Variants in OGFOD3 observed in about 807,000 individuals in gnomAD.
The protein encoded by OGFOD3 is 2-oxoglutarate and iron dependent oxygenase domain containing 3.
In OGFOD3, 35 loss-of-function variants were observed where a neutral mutation model predicts 39.8. That is an observed-to-expected ratio of 0.88 (90% CI 0.67 to 1.17). The LOEUF (loss-of-function observed/expected upper bound fraction) is 1.17. OGFOD3 is among the 50% of genes most tolerant of loss of function. OGFOD3 has a pLI of 0.00. For synonymous variants in OGFOD3, 200 were observed against 192.0 expected, an observed-to-expected ratio of 1.04 and a Z score of -0.34; for missense variants, 438 against 454.5, an observed-to-expected ratio of 0.96 and a Z score of 0.33.
intron 7 of OGFOD3, among the ~76,000 whole-genome samples, chr17:82,402,871 T>C (rs2052789842): frequency 1.3e-5 from 2 of 151,988 alleles, no homozygotes; most frequent in African/African-American, 4.8e-5. Context: ...CTGGGCAGCA[T>C]AGTGAAACCC....
rs2143164292 is a variant in OGFOD3, at chr17:82,391,239, T to A, written c.*1159A>T. The A allele has an allele frequency of 6.5e-6, 1 of 152,750 alleles. No homozygotes were observed. The highest frequency in any genetic ancestry group is 1.9e-4 in the East Asian group (1 of 5,178). The allele number at this position is 152,750 out of a possible 1,614,324, so 9.5% of individuals were successfully genotyped here. ...GTGCCCAAAGCCCTGGACAGTCACC[T>A]CGAGGTGACTGTGGGCAGAAACTGG... is the stretch of plus-strand genomic sequence containing the variant. On this transcript the variant is annotated 3_prime_UTR_variant, in exon 9 of 9. Transcript: ENST00000313056. The surrounding 1 kb of genome is among the most constrained non-coding windows in gnomAD (Gnocchi z 5.1).
intron 7 of OGFOD3, among the ~76,000 whole-genome samples, chr17:82,402,756 AAAAG>A (rs977397945): frequency 6.6e-6 from 1 of 151,260 alleles, no homozygotes; most frequent in Non-Finnish European, 1.5e-5. Context: ...TTAAAAAAAA[AAAAG>A]AAAGAAAAGA....
chr17:82,416,475 A>C (rs2053039993), intron 1 of OGFOD3, among the ~76,000 whole-genome samples: 1 of 152,106 alleles, frequency 6.6e-6, no homozygotes, highest in Admixed American at 6.5e-5. Context: ...AGCCCCCTAC[A>C]GCTCAGGTTA....
At chr17:82,398,753 G>A (rs1161860404) in intron 7 of OGFOD3, among the ~76,000 whole-genome samples, 1 of 151,478 alleles carries the variant, frequency 6.6e-6, no homozygotes, top group East Asian at 1.9e-4. Flanking sequence ...CACTCAGGCT[G>A]TAGTGCAGTC....
Position 82,411,473 on chromosome 17 carries a change from T to A in OGFOD3, c.362A>T (p.Glu121Val). 6.2e-7 allele frequency: 1 copy of A among 1,614,164 alleles called. No individual in the cohort carries two copies. The highest frequency in any genetic ancestry group is 8.5e-7 in the Non-Finnish European group (1 of 1,180,006). ...GVTDVVITREEAERIRSVAEK... is the reference protein window; with the variant it reads ...GVTDVVITREVAERIRSVAEK... ...CGGTTACCTGCGAATCCGCTCCGCT[T>A]CCTCCCTGGTGATGACGACATCGGT... is the stretch of plus-strand genomic sequence containing the variant. The change falls in exon 3 of 9, where the codon GAA (glutamate) becomes GTA (valine). Residue 121 changes from glutamate (E) to valine (V), a missense_variant. Glu to Val is a moderately radical substitution (Grantham distance 121, BLOSUM62 -2). Transcript: ENST00000313056.
intron 4 of OGFOD3, among the ~76,000 whole-genome samples, chr17:82,407,341 A>C (rs2052871974): frequency 6.6e-6 from 1 of 151,708 alleles, no homozygotes. Context: ...CGTGTGGGCT[A>C]TTTTTAGTCT....
intron 1 of OGFOD3, among the ~76,000 whole-genome samples, chr17:82,416,255 TAAAC>T (rs1353801185): frequency 5.3e-5 from 8 of 152,094 alleles, no homozygotes; most frequent in Admixed American, 2.6e-4. Flanking sequence ...AATAAATAAA[TAAAC>T]AAACACACAC....
rs1188052134 is a variant in OGFOD3 at position 82,403,926 on chromosome 17, G to T, written c.699+11C>A. 2 of 1,592,690 alleles carry T rather than the reference G, an allele frequency of 1.3e-6. No individual in the cohort carries two copies. Among genetic ancestry groups the T allele is most frequent in the African/African-American group, 1.3e-5 (1 of 74,128 alleles). On this transcript the variant is annotated intron_variant, in intron 7 of 8. Transcript: ENST00000313056. ...CACGGGCACGCTCACCCTGCCCACG[G>T]GCGCGCTCACCTTGTCCACGTGCGC...
intron 4 of OGFOD3, among the ~76,000 whole-genome samples, chr17:82,407,310 G>A (rs1454957669): frequency 6.6e-6 from 1 of 151,914 alleles, no homozygotes; most frequent in African/African-American, 2.4e-5. Flanking sequence ...TTTGTTCCCT[G>A]TGACCTAAAG....
At position 82,389,674 on chromosome 17, in the gene OGFOD3, TAA is replaced by T. The variant is rs1486822738; in HGVS notation, c.*2722_*2723del. The T allele has an allele frequency of 2.0e-5, 3 of 152,126 alleles. No homozygotes were observed. The highest frequency in any genetic ancestry group is 7.2e-5 in the African/African-American group (3 of 41,428). 9.4% of individuals were successfully genotyped at this position (152,126 alleles called of 1,614,324 possible). A position where few individuals can be genotyped will look rare whatever the true frequency, so the allele number is the denominator to read the frequency against. On this transcript the variant is annotated 3_prime_UTR_variant, in exon 9 of 9. Coordinates refer to ENST00000313056, the MANE Select transcript of OGFOD3 (RefSeq NM_024648.3). This position sits in a 1 kb window ranked among gnomAD's most constrained non-coding sequence, Gnocchi z 4.6. ...CACTGCCACGCCCAGCTACATTTTT[TAA>T]AAGTTTCTTGTACAGACAGCGTCTC...
At position 82,418,506 on chromosome 17, in the gene OGFOD3, C is replaced by A; in HGVS notation, c.-21G>T. 7.5e-7 allele frequency: 1 copy of A among 1,328,660 alleles called. No homozygotes were observed. Among genetic ancestry groups the A allele is most frequent in the Non-Finnish European group, 9.6e-7 (1 of 1,038,594 alleles). The allele number at this position is 1,328,660 out of a possible 1,614,324, so 82.3% of individuals were successfully genotyped here. A position where few individuals can be genotyped will look rare whatever the true frequency, so the allele number is the denominator to read the frequency against. ...GCCATCGGACCAGGCCGCCGCGGAG[C>A]CGGGCCGGACGCGGGCGCCAGGCCC... is the stretch of plus-strand genomic sequence containing the variant. On this transcript the variant is annotated 5_prime_UTR_variant, in exon 1 of 9. Transcript: ENST00000313056.
At chr17:82,412,098 A>G (rs1338990702) in intron 2 of OGFOD3, among the ~76,000 whole-genome samples, 1 of 71,782 alleles carries the variant, frequency 1.4e-5, no homozygotes, top group Non-Finnish European at 2.9e-5. Flanking sequence ...AACCCTCCTG[A>G]GACCACTGGA....
Position 82,411,523 on chromosome 17 carries a change from A to G in OGFOD3, c.312T>C (p.Thr104=), listed in dbSNP as rs1451152405. ...YDSHRRFEGC[T]PRKCGRGVTD... is the part of the protein sequence containing the mutation. ...TGACACCTCTGCCGCACTTTCGGGG[A>G]GTGCAGCCTGTGAAGGGACAGCCAG... The change falls in exon 3 of 9, where the codon ACT becomes ACC. Residue 104 remains threonine, a synonymous_variant. Coordinates refer to ENST00000313056, the MANE Select transcript of OGFOD3 (RefSeq NM_024648.3). The G allele has an allele frequency of 6.2e-6, 10 of 1,614,028 alleles. No homozygotes were observed. Among genetic ancestry groups the G allele is most frequent in the Non-Finnish European group, 8.5e-6 (10 of 1,179,978 alleles).
At chr17:82,411,136 TC>T (rs2052935517) in intron 3 of OGFOD3, among the ~76,000 whole-genome samples, 1 of 151,460 alleles carries the variant, frequency 6.6e-6, no homozygotes, top group African/African-American at 2.4e-5. Flanking sequence ...AACCTCTGCC[TC>T]CCGGGTTCCA....
At chr17:82,393,404 C>T (rs1054325911) in intron 8 of OGFOD3, 1 of 152,250 alleles carries the variant, frequency 6.6e-6, no homozygotes, top group Non-Finnish European at 1.5e-5. Flanking sequence ...CCCGGGTGTG[C>T]AGGGCATTCT....
intron 3 of OGFOD3, 91 bp from the exon 4 acceptor site, chr17:82,409,501 A>G (rs2143270310): frequency 2.6e-6 from 3 of 1,146,772 alleles, no homozygotes; most frequent in Non-Finnish European, 3.9e-6. Flanking sequence ...TTAATGCAAC[A>G]TTAGTGGGTC....
rs1411155225 is a variant in OGFOD3 at position 82,415,093 on chromosome 17, A to G, written c.304+305T>C. Among the ~76,000 whole-genome samples, 1 of 152,192 alleles carries G rather than the reference A, an allele frequency of 6.6e-6. No individual in the cohort carries two copies. Among genetic ancestry groups the G allele is most frequent in the Non-Finnish European group, 1.5e-5 (1 of 68,024 alleles). ...ATTTTCCCCAACATTCTCTGACTCT[A>G]CCACATTCTCCAGTCAAAAAATCTT... On this transcript the variant is annotated intron_variant, in intron 2 of 8. Coordinates refer to ENST00000313056, the MANE Select transcript of OGFOD3 (RefSeq NM_024648.3). The surrounding 1 kb of genome is among the most constrained non-coding windows in gnomAD (Gnocchi z 5.3).
At chr17:82,414,418 G>T (rs2053000680) in intron 2 of OGFOD3, among the ~76,000 whole-genome samples, 1 of 152,190 alleles carries the variant, frequency 6.6e-6, no homozygotes, top group African/African-American at 2.4e-5. Context: ...GATTGAGGAT[G>T]AGCCACTGCT....
At position 82,415,505 on chromosome 17, in the gene OGFOD3, G is replaced by A. The variant is rs1567876239; in HGVS notation, c.197C>T (p.Ala66Val). ...TALLLWSSLGADDGVAEVLAR... is the reference protein window; with the variant it reads ...TALLLWSSLGVDDGVAEVLAR... ...CAGGACCTCTGCGACCCCGTCGTCGGCCCCCAAGCTGCTCCAGAGCAGGAG... is the reference window on the plus strand; with the variant it reads ...CAGGACCTCTGCGACCCCGTCGTCGACCCCCAAGCTGCTCCAGAGCAGGAG... The change falls in exon 2 of 9, where the codon GCC becomes GTC. Residue 66 changes from alanine to valine, a missense_variant. Transcript: ENST00000313056. The surrounding 1 kb of genome is among the most constrained non-coding windows in gnomAD (Gnocchi z 5.3). 6.2e-7 allele frequency: 1 copy of A among 1,613,590 alleles called. No homozygotes were observed. Among genetic ancestry groups the A allele is most frequent in the Non-Finnish European group, 8.5e-7 (1 of 1,179,932 alleles).
Sources: gnomAD v4.1 joint callset for allele counts (sites outside exome capture counted in the v4.1 genomes callset) on GRCh38, gnomAD v4.1.1 for gene constraint, Gnocchi (gnomAD v3.1) non-coding constraint, MANE v1.5 for transcripts, NCBI Gene and HGNC (gene_info 2026-07-23, HGNC 2026-07-21) for gene names.